Variants in SLC44A5 observed in about 807,000 individuals in gnomAD.
The protein encoded by SLC44A5 is choline transporter-like protein 5.
Under a neutral mutation model 101.8 loss-of-function variants are expected in SLC44A5, and 57 were observed. The observed-to-expected ratio is 0.56, with a 90% CI of 0.45 to 0.70. SLC44A5 has a LOEUF of 0.70. Ranked by LOEUF, SLC44A5 falls within the 30% of genes least tolerant of loss-of-function variation. SLC44A5 has a pLI of 0.00. For synonymous variants in SLC44A5, 281 were observed against 290.9 expected (o/e 0.97, Z 0.35); for missense variants, 737 against 853.1 (o/e 0.86, Z 1.70).
At chr1:75,678,292 C>T in the SLC44A5 span, among the ~76,000 whole-genome samples, 22 of 152,294 alleles carry the variant, frequency 1.4e-4, no homozygotes, top group South Asian at 6.2e-4. Context: ...CCTCTGTAGG[C>T]TCCACCTCTG....
intron 2 of SLC44A5, among the ~76,000 whole-genome samples, chr1:75,448,220 C>G (rs61798714): frequency 6.6e-6 from 1 of 152,094 alleles, no homozygotes; most frequent in African/African-American, 2.4e-5. Context: ...TGGGGAGGCT[C>G]TGCTCCACAA....
At chr1:75,277,884 G>A (rs764283873) in intron 5 of SLC44A5, among the ~76,000 whole-genome samples, 40 of 152,132 alleles carry the variant, frequency 2.6e-4, no homozygotes, top group Admixed American at 9.2e-4. Flanking sequence ...GATGGTCTGT[G>A]TTTGAGCTGA....
intron 4 of SLC44A5, among the ~76,000 whole-genome samples, chr1:75,328,145 G>T (rs1046338319): frequency 9.9e-5 from 15 of 152,116 alleles, no homozygotes; most frequent in African/African-American, 3.6e-4. Context: ...CTGTCCATCT[G>T]AGCACAAACT....
rs144092701 is a variant in SLC44A5, at chr1:75,311,482, T to C, written c.102-10797A>G. On this transcript the variant is annotated intron_variant, in intron 4 of 23. Transcript: ENST00000370859. The stretch of plus-strand genomic sequence containing the variant: ...AATCTATACTTAATTTTGTCCAGAG[T>C]GGTCTCAGTTCTCTTACAACAAAGC... 517 of 812,082 alleles carry C rather than the reference T, an allele frequency of 6.4e-4. 4 individuals carry two copies. The African/African-American group carries it at 9.2e-3, about 14-fold the overall frequency. 50.3% of individuals were successfully genotyped at this position (812,082 alleles called of 1,614,324 possible). A position where few individuals can be genotyped will look rare whatever the true frequency, so the allele number is the denominator to read the frequency against.
At chr1:75,297,659 A>G (rs1654069542) in intron 5 of SLC44A5, among the ~76,000 whole-genome samples, 1 of 152,240 alleles carries the variant, frequency 6.6e-6, no homozygotes, top group African/African-American at 2.4e-5. Flanking sequence ...TAAGTATAGG[A>G]AAGAATAATT....
chr1:75,649,054 C>CT, the SLC44A5 span, among the ~76,000 whole-genome samples: 1 of 152,160 alleles, frequency 6.6e-6, no homozygotes, highest in Admixed American at 6.5e-5. Context: ...TATTGGGTAA[C>CT]TAACTCTGTG....
chr1:75,482,188 C>T (rs1426108233), intron 2 of SLC44A5, among the ~76,000 whole-genome samples: 2 of 151,328 alleles, frequency 1.3e-5, no homozygotes, highest in South Asian at 2.1e-4. Flanking sequence ...CCAAACACCA[C>T]ATGTTCTCAC....
At chr1:75,421,471 CTTATT>C (rs1385893014) in intron 2 of SLC44A5, among the ~76,000 whole-genome samples, 1 of 152,096 alleles carries the variant, frequency 6.6e-6, no homozygotes, top group Non-Finnish European at 1.5e-5. Flanking sequence ...AGTTAATCCT[CTTATT>C]TTATTTTTTC....
intron 2 of SLC44A5, among the ~76,000 whole-genome samples, chr1:75,454,608 C>T (rs147221740): frequency 2.0e-5 from 3 of 151,598 alleles, no homozygotes; most frequent in African/African-American, 7.2e-5. Flanking sequence ...AACTCTCTCC[C>T]CACAGATAAT....
chr1:75,689,806 A>T, the SLC44A5 span, among the ~76,000 whole-genome samples: 8 of 152,230 alleles, frequency 5.3e-5, no homozygotes, highest in Admixed American at 4.6e-4. Context: ...GACATTTAAT[A>T]GCTACCTTAT....
chr1:75,390,464 T>A (rs767311230), intron 3 of SLC44A5, among the ~76,000 whole-genome samples: 2 of 149,670 alleles, frequency 1.3e-5, no homozygotes, highest in Non-Finnish European at 3.0e-5. Context: ...AATAAGCTAA[T>A]TCATCCTATC....
intron 3 of SLC44A5, among the ~76,000 whole-genome samples, chr1:75,387,952 A>T (rs1343486314): frequency 6.7e-6 from 1 of 149,082 alleles, no homozygotes; most frequent in Non-Finnish European, 1.5e-5. Flanking sequence ...TCAGTAAACT[A>T]TCGCAAGAAC....
At chr1:75,469,935 C>T (rs915311552) in intron 2 of SLC44A5, among the ~76,000 whole-genome samples, 1 of 141,904 alleles carries the variant, frequency 7.0e-6, no homozygotes, top group African/African-American at 2.6e-5. Context: ...GTAGAGTCAA[C>T]GTATCCTGAC....
At chr1:75,314,203 C>T (rs1032467231) in intron 4 of SLC44A5, among the ~76,000 whole-genome samples, 3 of 152,138 alleles carry the variant, frequency 2.0e-5, no homozygotes, top group African/African-American at 7.2e-5. Flanking sequence ...TGTTTGTCAG[C>T]TACCAAAAAG....
the SLC44A5 span, among the ~76,000 whole-genome samples, chr1:75,698,594 G>A: frequency 2.6e-5 from 4 of 152,214 alleles, no homozygotes; most frequent in African/African-American, 7.2e-5. Context: ...AAAGCAGAGC[G>A]TCTCTCCTCC....
intron 1 of SLC44A5, among the ~76,000 whole-genome samples, chr1:75,563,076 T>C (rs1159343234): frequency 6.6e-6 from 1 of 152,194 alleles, no homozygotes; most frequent in Non-Finnish European, 1.5e-5. Flanking sequence ...AGATTACATA[T>C]ATCTTAATAT....
At chr1:75,668,563 C>T in the SLC44A5 span, among the ~76,000 whole-genome samples, 4 of 151,102 alleles carry the variant, frequency 2.6e-5, no homozygotes, top group Non-Finnish European at 5.9e-5. Context: ...TTCAAGTGAT[C>T]TGCCTGCCTT....
At chr1:75,357,270 T>C (rs1659152132) in intron 3 of SLC44A5, 1 of 454,326 alleles carries the variant, frequency 2.2e-6, no homozygotes, top group South Asian at 1.6e-5. Flanking sequence ...CACTAAAAGC[T>C]CTTGAACTTG....
rs965933169 is a variant in SLC44A5 at position 75,202,728 on chromosome 1, A to C, written c.*999T>G. On this transcript the variant is annotated 3_prime_UTR_variant, in exon 24 of 24. Coordinates refer to ENST00000370859, the MANE Select transcript of SLC44A5 (RefSeq NM_001130058.2). ...CTGTGAGCACCCTTTCGAGGAGTAAAGTTTCCCTTTGCAATTCCTAGAAGT... is the reference window on the plus strand; with the variant it reads ...CTGTGAGCACCCTTTCGAGGAGTAACGTTTCCCTTTGCAATTCCTAGAAGT... 1 of 152,156 alleles carries C rather than the reference A, an allele frequency of 6.6e-6. No individual in the cohort carries two copies. The highest frequency in any genetic ancestry group is 6.6e-5 in the Admixed American group (1 of 15,262). 9.4% of individuals were successfully genotyped at this position (152,156 alleles called of 1,614,324 possible).
Sources: allele counts gnomAD v4.1 joint callset (sites outside exome capture counted in the v4.1 genomes callset), GRCh38; gene constraint gnomAD v4.1.1; transcripts MANE v1.5; gene names NCBI Gene and HGNC (gene_info 2026-07-23, HGNC 2026-07-21).